The following AGBL1 variants were observed in gnomAD, a reference collection of about 807,000 sequenced individuals.
AGBL1 encodes the protein AGBL carboxypeptidase 1, also known as cytosolic carboxypeptidase 4.
In AGBL1, 130 loss-of-function variants were observed where a neutral mutation model predicts 118.9. The ratio of observed to expected loss-of-function variants is 1.09; its 90% CI spans 0.95 to 1.26. The LOEUF (loss-of-function observed/expected upper bound fraction) is 1.26. Ranked by LOEUF, AGBL1 falls within the 50% of genes most tolerant of loss-of-function variation. The pLI is 0.00. For missense variants in AGBL1, 1,584 were observed against 1,298.1 expected (o/e 1.22, Z -3.38); for synonymous variants, 555 against 478.9 (o/e 1.16, Z -2.08).
chr15:86,260,249 C>T (rs1413557501), intron 9 of AGBL1, among the ~76,000 whole-genome samples: 2 of 152,224 alleles, frequency 1.3e-5, no homozygotes, highest in Non-Finnish European at 2.9e-5. Flanking sequence ...TATTTTATTT[C>T]TGGCCACAGC....
rs1205778956 is a variant in AGBL1, at chr15:86,266,476, C to T, written c.1751+19C>T. 6.5e-7 allele frequency: 1 copy of T among 1,531,840 alleles called. No homozygotes were observed. The highest frequency in any genetic ancestry group is 8.9e-7 in the Non-Finnish European group (1 of 1,128,138). 94.9% of individuals were successfully genotyped at this position (1,531,840 alleles called of 1,614,324 possible). On this transcript the variant is annotated intron_variant, in intron 12 of 22. Transcript: ENST00000614907. The stretch of plus-strand genomic sequence containing the variant: ...AGCCTTGGTAGGTAGTCTCGTGCAT[C>T]TGAGGAAGGTGGGGCATGGAGAATT...
At position 87,000,770 on chromosome 15, in the gene AGBL1, C is replaced by G. The variant is rs2081428809; in HGVS notation, c.3323+12682C>G. Among the ~76,000 whole-genome samples, 3 of 138,060 alleles carry G rather than the reference C, an allele frequency of 2.2e-5. No homozygotes were observed. The South Asian group carries it at 7.6e-4, about 35-fold the overall frequency. 90.6% of individuals were successfully genotyped at this position (138,060 alleles called of 152,430 possible). The stretch of plus-strand genomic sequence containing the variant: ...TTTTTTCCAATTCTGTGAAGAAAGT[C>G]ATTGGTAGCTTGATGGGGATGGCAT... On this transcript the variant is annotated intron_variant, in intron 24 of 24. Coordinates refer to the AGBL1 transcript ENST00000441037.
chr15:86,442,642 G>A (rs2082078365), intron 18 of AGBL1, among the ~76,000 whole-genome samples: 1 of 152,132 alleles, frequency 6.6e-6, no homozygotes. Context: ...AATTAACTTT[G>A]GGAAAGAACT....
At chr15:86,538,542 C>T (rs904591918) in intron 19 of AGBL1, among the ~76,000 whole-genome samples, 1 of 152,220 alleles carries the variant, frequency 6.6e-6, no homozygotes, top group Non-Finnish European at 1.5e-5. Flanking sequence ...ATGCCATCTG[C>T]ACAATATTGT....
At chr15:86,374,378 G>A (rs577555419) in intron 17 of AGBL1, among the ~76,000 whole-genome samples, 3 of 152,184 alleles carry the variant, frequency 2.0e-5, no homozygotes, top group Non-Finnish European at 4.4e-5. Flanking sequence ...TTTAATGCTT[G>A]CATTTATCTA....
At chr15:86,709,239 G>A (rs901003572) in intron 22 of AGBL1, among the ~76,000 whole-genome samples, 6 of 152,090 alleles carry the variant, frequency 3.9e-5, no homozygotes, top group African/African-American at 1.2e-4. Context: ...TCAGTCTATA[G>A]TGACCTCCTA....
Position 86,247,654 on chromosome 15 carries a change from T to C in AGBL1, c.527-17T>C. On this transcript the variant is annotated splice_polypyrimidine_tract_variant and intron_variant, in intron 6 of 22. Transcript: ENST00000614907. The stretch of plus-strand genomic sequence containing the variant: ...TGGAGAGCCTGTGACTGACCCTGCC[T>C]TTCCCTTTGTTTTCAGAGTCGAACG... 3.8e-6 allele frequency: 6 copies of C among 1,582,626 alleles called. No homozygotes were observed. Among genetic ancestry groups the C allele is most frequent in the Non-Finnish European group, 5.2e-6 (6 of 1,164,216 alleles).
Position 86,264,554 on chromosome 15 carries a change from T to C in AGBL1, c.1383T>C (p.Ala461=), listed in dbSNP as rs1300676579. ...SSESEIPDIQ[A]SPKADAWDVD... ...AAAGTGAAATCCCTGACATTCAGGC[T>C]TCCCCGAAAGCAGATGCCTGGGACG... The change falls in exon 11 of 23, where the codon GCT becomes GCC. Residue 461 remains alanine, a synonymous_variant. Transcript: ENST00000614907. 13 of 1,614,038 alleles carry C rather than the reference T, an allele frequency of 8.1e-6. No individual in the cohort carries two copies. Among genetic ancestry groups the C allele is most frequent in the South Asian group, 2.2e-5 (2 of 91,080 alleles).
intron 6 of AGBL1, among the ~76,000 whole-genome samples, chr15:86,242,012 T>G (rs967464550): frequency 2.0e-5 from 3 of 152,118 alleles, no homozygotes; most frequent in African/African-American, 7.2e-5. Flanking sequence ...GTTCTTATGA[T>G]AGTTAATAAG....
At chr15:86,916,835 A>G (rs1364996631), downstream of AGBL1, among the ~76,000 whole-genome samples, 3 of 152,180 alleles carry the variant, frequency 2.0e-5, no homozygotes, top group African/African-American at 7.2e-5. Flanking sequence ...GGCTCACACT[A>G]GCGTTCTGTC....
intron 21 of AGBL1, among the ~76,000 whole-genome samples, chr15:86,627,008 T>G (rs1272246345): frequency 6.6e-6 from 1 of 151,496 alleles, no homozygotes; most frequent in Admixed American, 6.6e-5. Context: ...CAGCTAATTT[T>G]TTTTTTTTTT....
chr15:86,818,096 G>A (rs566827083), intron 22 of AGBL1, among the ~76,000 whole-genome samples: 5 of 151,866 alleles, frequency 3.3e-5, no homozygotes, highest in African/African-American at 4.8e-5. Flanking sequence ...TTGTGTGTGC[G>A]TGTGCGTGTA....
intron 23 of AGBL1, among the ~76,000 whole-genome samples, chr15:86,978,922 C>T (rs910573439): frequency 6.6e-6 from 1 of 152,180 alleles, no homozygotes; most frequent in African/African-American, 2.4e-5. Flanking sequence ...AGAAAACTGA[C>T]AGGAATCATT....
chr15:86,346,317 T>C (rs772182100), intron 17 of AGBL1, among the ~76,000 whole-genome samples: 5 of 151,386 alleles, frequency 3.3e-5, no homozygotes, highest in Non-Finnish European at 7.4e-5. Context: ...TTAGTTGATA[T>C]AGGATATAAG....
rs184424496 is a variant in AGBL1, at chr15:86,770,309, T to C, written c.3158+95873T>C. Among the ~76,000 whole-genome samples the C allele has an allele frequency of 2.0e-4, 31 of 151,928 alleles. 1 individual carries two copies. Among genetic ancestry groups the C allele is most frequent in the Admixed American group, 2.0e-3 (31 of 15,248 alleles). On this transcript the variant is annotated intron_variant, in intron 22 of 22. Coordinates refer to ENST00000614907, the MANE Select transcript of AGBL1 (RefSeq NM_001386094.1). ...ACAGTGCAGTGGTCCCTCCATGGGG[T>C]TGATTTTGCATCCCCGCACAGGAGA...
chr15:86,306,665 CTTTT>C, intron 17 of AGBL1, among the ~76,000 whole-genome samples: 1 of 152,242 alleles, frequency 6.6e-6, no homozygotes, highest in East Asian at 1.9e-4. Context: ...GATTTCCTTT[CTTTT>C]GAGTATATAT....
At chr15:86,537,530 A>G (rs745413903) in intron 19 of AGBL1, among the ~76,000 whole-genome samples, 5 of 152,258 alleles carry the variant, frequency 3.3e-5, no homozygotes, top group East Asian at 3.9e-4. Context: ...TTCTCAGGGC[A>G]TTAGGCTTAC....
At chr15:86,233,661 C>G (rs529644540) in intron 6 of AGBL1, among the ~76,000 whole-genome samples, 1 of 152,334 alleles carries the variant, frequency 6.6e-6, no homozygotes, top group South Asian at 2.1e-4. Context: ...CTGACACTTT[C>G]CTTGGGAGGT....
At chr15:86,900,632 A>G (rs2080198594) in intron 22 of AGBL1, among the ~76,000 whole-genome samples, 1 of 151,282 alleles carries the variant, frequency 6.6e-6, no homozygotes, top group African/African-American at 2.4e-5. Flanking sequence ...AGTATCTTAT[A>G]TCGACTATCT....
Sources: allele counts gnomAD v4.1 joint callset (sites outside exome capture counted in the v4.1 genomes callset), GRCh38; gene constraint gnomAD v4.1.1; transcripts MANE v1.5; gene names NCBI Gene and HGNC (gene_info 2026-07-23, HGNC 2026-07-21).